FRMPD4: variants seen among roughly 807,000 people sequenced by gnomAD.
FRMPD4 encodes the protein FERM and PDZ domain-containing protein 4.
FRMPD4 carries 22 observed loss-of-function variants against 94.1 expected under a neutral mutation model. The ratio of observed to expected loss-of-function variants is 0.23; its 90% CI spans 0.17 to 0.33. FRMPD4 has a LOEUF of 0.33. Among genes scored for constraint, FRMPD4 ranks in the 10% least tolerant of loss-of-function variants. The pLI is 1.00. For synonymous variants in FRMPD4, 631 were observed against 548.6 expected, an observed-to-expected ratio of 1.15 and a Z score of -2.10; for missense variants, 1,111 against 1,339.9, an observed-to-expected ratio of 0.83 and a Z score of 2.67.
At chrX:11,976,442 A>G (rs949837887) in intron 3 of FRMPD4, among the ~76,000 whole-genome samples, 3 of 112,241 alleles carry the variant, frequency 2.7e-5, no homozygotes, top group African/African-American at 9.7e-5. Context: ...CTTTTCAACA[A>G]AAGTCCCTTT....
chrX:12,702,070 T>G, intron 10 of FRMPD4, 60 bp downstream of exon 10: 2 of 1,090,163 alleles, frequency 1.8e-6, no homozygotes, highest in Non-Finnish European at 2.5e-6. Flanking sequence ...TTAGCCCGGG[T>G]GTATTTTTGT....
chrX:11,932,340 ACT>A (rs1186619321), intron 3 of FRMPD4, among the ~76,000 whole-genome samples: 2 of 111,938 alleles, frequency 1.8e-5, no homozygotes, highest in South Asian at 3.7e-4. Flanking sequence ...CGTAAATCAC[ACT>A]GTTTCCTTTG....
At chrX:12,031,918 C>T (rs2054694393) in intron 3 of FRMPD4, among the ~76,000 whole-genome samples, 2 of 111,297 alleles carry the variant, frequency 1.8e-5, no homozygotes, top group Non-Finnish European at 3.8e-5. Flanking sequence ...GATATGGACA[C>T]AGTTGAGAAA....
intron 1 of FRMPD4, among the ~76,000 whole-genome samples, chrX:11,849,070 T>A (rs1421378429): frequency 9.0e-6 from 1 of 111,589 alleles, no homozygotes; most frequent in African/African-American, 3.2e-5. Flanking sequence ...AAAGATTCTA[T>A]GAGAAAGCTG....
intron 3 of FRMPD4, among the ~76,000 whole-genome samples, chrX:12,086,156 A>G (rs1404610643): frequency 9.0e-6 from 1 of 110,902 alleles, no homozygotes; most frequent in Non-Finnish European, 1.9e-5. Flanking sequence ...ACATGCACAC[A>G]AAAGCACACA....
intron 2 of FRMPD4, among the ~76,000 whole-genome samples, chrX:12,506,854 C>T (rs1310680333): frequency 8.9e-6 from 1 of 112,346 alleles, no homozygotes; most frequent in Non-Finnish European, 1.9e-5. Context: ...CTAACACTCC[C>T]TCCCTTTGGC....
chrX:12,366,644 A>G (rs1414691766), intron 1 of FRMPD4, among the ~76,000 whole-genome samples: 2 of 112,537 alleles, frequency 1.8e-5, no homozygotes, highest in African/African-American at 6.5e-5. Context: ...GGGCCAGACT[A>G]TGCCAGCTCA....
chrX:11,974,490 C>A (rs1444858885), intron 3 of FRMPD4, among the ~76,000 whole-genome samples: 1 of 111,838 alleles, frequency 8.9e-6, no homozygotes, highest in Non-Finnish European at 1.9e-5. Context: ...GCCACGTAAA[C>A]CTCTTTTCTT....
intron 3 of FRMPD4, among the ~76,000 whole-genome samples, chrX:11,987,397 A>C (rs1326488689): frequency 9.0e-6 from 1 of 111,345 alleles, no homozygotes; most frequent in African/African-American, 3.3e-5. Context: ...CCCTCAAAAA[A>C]CTGGGTGTAG....
chrX:12,441,107 C>T (rs143021999), intron 1 of FRMPD4, among the ~76,000 whole-genome samples: 1,340 of 112,122 alleles, frequency 0.012, 13 homozygotes, highest in Non-Finnish European at 0.02. Context: ...AGAACAACCT[C>T]CTCTTCACTG....
chrX:12,217,073 C>T (rs977265333), intron 1 of FRMPD4, among the ~76,000 whole-genome samples: 11 of 112,130 alleles, frequency 9.8e-5, no homozygotes, highest in African/African-American at 3.2e-4. Context: ...AACCAGGGTA[C>T]TTGTCTTAAA....
intron 1 of FRMPD4, among the ~76,000 whole-genome samples, chrX:12,191,058 G>C (rs1285822470): frequency 8.9e-6 from 1 of 112,072 alleles, no homozygotes; most frequent in Admixed American, 9.5e-5. Flanking sequence ...AATTCAACAA[G>C]AACACAACAC....
chrX:12,718,502 AG>A lies in FRMPD4; in HGVS notation c.3677del (p.Ser1226ThrfsTer22), dbSNP rs1472227890. On this transcript the variant is annotated frameshift_variant, in exon 16 of 17. Coordinates refer to ENST00000675598, the MANE Select transcript of FRMPD4 (RefSeq NM_001368397.1). LOFTEE classifies it high-confidence loss of function. ...AGTGGATGCAGGCTGTGGCACAGGC[AG>A]CAGTGGCAGTGCCTGTGCCACACCC... ...SSVDAGCGTG[S>X]SGSACATPVE... is the part of the protein sequence containing the mutation. 1 of 1,203,480 alleles carries A rather than the reference AG, an allele frequency of 8.3e-7. No homozygotes were observed. The highest frequency in any genetic ancestry group is 1.8e-5 in the South Asian group (1 of 56,794).
chrX:12,420,017 T>A (rs986857414), intron 1 of FRMPD4, among the ~76,000 whole-genome samples: 4 of 111,571 alleles, frequency 3.6e-5, no homozygotes, highest in African/African-American at 1.3e-4. Context: ...CCAATCTTCA[T>A]ACCTAAATAC....
Position 12,721,353 on chromosome X carries a change from T to C in FRMPD4, c.4784T>C (p.Leu1595Pro). 4 of 755,810 alleles carry C rather than the reference T, an allele frequency of 5.3e-6. No homozygotes were observed. The highest frequency in any genetic ancestry group is 6.3e-6 in the Non-Finnish European group (4 of 639,192). The allele number at this position is 755,810 out of a possible 1,213,427, so 62.3% of individuals were successfully genotyped here. The change falls in exon 17 of 17, where the codon CTA becomes CCA. Residue 1595 changes from leucine (L) to proline (P), a missense_variant. Physicochemically the swap from Leu to Pro is moderately conservative, Grantham distance 98. This residue lies in a region of FRMPD4 where 551 missense variants were observed against 591.6 expected (regional missense o/e 0.93). Transcript: ENST00000675598. ...FDARIARINA[L>P]KESTYAMPDG... Reference sequence around the variant, plus strand: ...GCCCGGATTGCAAGAATAAATGCCCTAAAGGAGAGCACATATGCAATGCCT... The same window carrying C: ...GCCCGGATTGCAAGAATAAATGCCCCAAAGGAGAGCACATATGCAATGCCT...
chrX:12,078,495 A>G (rs2055037993), intron 3 of FRMPD4, among the ~76,000 whole-genome samples: 1 of 111,446 alleles, frequency 9.0e-6, no homozygotes, highest in Admixed American at 9.5e-5. Flanking sequence ...CCTTCTAAAG[A>G]CTCTGCAACC....
At chrX:12,053,416 A>AAGAAAGAAAGAG (rs1569149822) in intron 3 of FRMPD4, among the ~76,000 whole-genome samples, 9 of 99,075 alleles carry the variant, frequency 9.1e-5, no homozygotes, top group Non-Finnish European at 1.4e-4. Flanking sequence ...GAAAGAAAGA[A>AAGAAAGAAAGAG]AGAAAGAAAG....
chrX:12,332,956 G>C (rs900254938), intron 1 of FRMPD4, among the ~76,000 whole-genome samples: 3 of 111,813 alleles, frequency 2.7e-5, no homozygotes, highest in African/African-American at 9.7e-5. Context: ...AGTAGAGCCA[G>C]ACGTTTTAAA....
At chrX:12,654,983 A>G (rs770077035) in intron 4 of FRMPD4, among the ~76,000 whole-genome samples, 1 of 112,452 alleles carries the variant, frequency 8.9e-6, no homozygotes, top group African/African-American at 3.2e-5. Context: ...AATAAGAATG[A>G]CATTACCTTC....
Sources: gnomAD v4.1 joint callset for allele counts (sites outside exome capture counted in the v4.1 genomes callset) on GRCh38, gnomAD v4.1.1 for gene constraint, gnomAD v4.1.1 regional missense constraint, MANE v1.5 for transcripts, NCBI Gene and HGNC (gene_info 2026-07-23, HGNC 2026-07-21) for gene names.